Variants in NEIL3 observed in about 807,000 individuals in gnomAD.
NEIL3 encodes the protein nei like DNA glycosylase 3, also known as endonuclease 8-like 3.
Under a neutral mutation model 57.5 loss-of-function variants are expected in NEIL3, and 48 were observed. That is an observed-to-expected ratio of 0.83 (90% CI 0.66 to 1.06). The LOEUF (loss-of-function observed/expected upper bound fraction) is 1.06, where lower values mean the gene tolerates loss of function less well. NEIL3 is among the 50% of genes least tolerant of loss of function. The probability of loss-of-function intolerance (pLI) is 0.00; values close to 1 mark genes in which losing one functional copy is unlikely to be tolerated. For missense variants in NEIL3, 717 were observed against 739.1 expected, an observed-to-expected ratio of 0.97 and a Z score of 0.35; for synonymous variants, 261 against 253.2, an observed-to-expected ratio of 1.03 and a Z score of -0.29.
intron 2 of NEIL3, among the ~76,000 whole-genome samples, chr4:177,330,260 C>G (rs1734856895): frequency 6.6e-6 from 1 of 152,096 alleles, no homozygotes; most frequent in African/African-American, 2.4e-5. Flanking sequence ...ACTCACCTGT[C>G]AAATAAATCA....
chr4:177,352,696 G>T (rs1735382907), intron 7 of NEIL3, among the ~76,000 whole-genome samples: 1 of 152,110 alleles, frequency 6.6e-6, no homozygotes, highest in African/African-American at 2.4e-5. Flanking sequence ...CAGGCGTGCT[G>T]GCGGGTGCCC....
chr4:177,370,456 T>A, the NEIL3 span, among the ~76,000 whole-genome samples: 3,862 of 152,230 alleles, frequency 0.025, 69 homozygotes, highest in South Asian at 0.09. Flanking sequence ...TTCATTGAAA[T>A]CTATTCGAGA....
At chr4:177,342,390 T>C (rs777922997) in intron 6 of NEIL3, among the ~76,000 whole-genome samples, 4 of 152,086 alleles carry the variant, frequency 2.6e-5, no homozygotes, top group Non-Finnish European at 5.9e-5. Context: ...TGCATAGCAG[T>C]ATATGTGATT....
intron 2 of NEIL3, 40 bp from the exon 3 acceptor site, chr4:177,335,648 A>C: frequency 6.3e-7 from 1 of 1,589,930 alleles, no homozygotes; most frequent in East Asian, 2.2e-5. Flanking sequence ...GATAAATGAT[A>C]TACTTTCTGC....
intron 2 of NEIL3, among the ~76,000 whole-genome samples, chr4:177,325,339 A>C (rs1419101400): frequency 2.6e-5 from 4 of 152,090 alleles, no homozygotes; most frequent in Non-Finnish European, 5.9e-5. Flanking sequence ...ACTCTGTATA[A>C]TACTTTAAGA....
chr4:177,339,051 C>T lies in NEIL3; in HGVS notation c.628-732C>T, dbSNP rs34485561. The stretch of plus-strand genomic sequence containing the variant: ...TACTGTTAATGGTACTAAATAGATC[C>T]GTAAGAAATAGAGCTCTAGAAGATA... On this transcript the variant is annotated intron_variant, in intron 4 of 9. Coordinates refer to ENST00000264596, the MANE Select transcript of NEIL3 (RefSeq NM_018248.3). Among the ~76,000 whole-genome samples, 1,116 of 152,038 alleles carry T rather than the reference C, an allele frequency of 7.3e-3. 12 individuals carry two copies. Among genetic ancestry groups the T allele is most frequent in the African/African-American group, 0.025 (1,040 of 41,472 alleles).
At chr4:177,347,221 T>G (rs1410398644) in intron 6 of NEIL3, among the ~76,000 whole-genome samples, 1 of 151,942 alleles carries the variant, frequency 6.6e-6, no homozygotes, top group African/African-American at 2.4e-5. Context: ...GGGAAATATT[T>G]CAAAGAAGGT....
chr4:177,364,400 G>T (rs953373050), downstream of NEIL3, among the ~76,000 whole-genome samples: 1 of 152,130 alleles, frequency 6.6e-6, no homozygotes, highest in South Asian at 2.1e-4. Context: ...TGTCCTGAGG[G>T]CAGAACAAAA....
chr4:177,361,885 C>A (rs1735613917), intron 9 of NEIL3, among the ~76,000 whole-genome samples: 1 of 152,086 alleles, frequency 6.6e-6, no homozygotes, highest in African/African-American at 2.4e-5. Context: ...CTCAGCCTCC[C>A]AAAGTGCCGG....
At chr4:177,339,966 T>G in intron 5 of NEIL3, 109 bp downstream of exon 5, 1 of 698,064 alleles carries the variant, frequency 1.4e-6, no homozygotes. Flanking sequence ...GGAAAGAGCA[T>G]GGAGGTACAT....
chr4:177,356,349 G>T (rs555889271), intron 8 of NEIL3, among the ~76,000 whole-genome samples: 1 of 152,284 alleles, frequency 6.6e-6, no homozygotes, highest in South Asian at 2.1e-4. Flanking sequence ...ACTTAGGAAT[G>T]CTGCAGCCTG....
At chr4:177,358,744 T>G (rs1735541870) in intron 8 of NEIL3, among the ~76,000 whole-genome samples, 1 of 152,154 alleles carries the variant, frequency 6.6e-6, no homozygotes, top group Admixed American at 6.5e-5. Context: ...CCAGAAAAAT[T>G]TTAATACAGA....
chr4:177,335,459 T>C (rs936804424), intron 2 of NEIL3, among the ~76,000 whole-genome samples: 14 of 152,176 alleles, frequency 9.2e-5, no homozygotes, highest in Admixed American at 3.3e-4. Context: ...GAGAAGTTAT[T>C]TTACTTTTGA....
At chr4:177,321,820 A>T (rs1283894443) in intron 1 of NEIL3, among the ~76,000 whole-genome samples, 1 of 152,014 alleles carries the variant, frequency 6.6e-6, no homozygotes, top group Non-Finnish European at 1.5e-5. Context: ...CACCCTCACA[A>T]GATGTGAAAA....
At chr4:177,353,160 G>C (rs1735394564) in intron 7 of NEIL3, 148 bp from the exon 8 acceptor site, 1 of 640,442 alleles carries the variant, frequency 1.6e-6, no homozygotes, top group African/African-American at 1.9e-5. Flanking sequence ...ATTCTGACTT[G>C]TCTGAGCTAA....
At chr4:177,345,058 T>C (rs1158772193) in intron 6 of NEIL3, among the ~76,000 whole-genome samples, 1 of 152,130 alleles carries the variant, frequency 6.6e-6, no homozygotes, top group African/African-American at 2.4e-5. Context: ...ACACAGCCTC[T>C]CAAAGTGCTC....
downstream of NEIL3, among the ~76,000 whole-genome samples, chr4:177,366,468 G>A (rs918655827): frequency 6.6e-6 from 1 of 152,052 alleles, no homozygotes; most frequent in Non-Finnish European, 1.5e-5. Context: ...GCACAATCTC[G>A]GCTCACTGCA....
chr4:177,315,505 A>G (rs374671204), intron 1 of NEIL3, among the ~76,000 whole-genome samples: 6 of 152,244 alleles, frequency 3.9e-5, no homozygotes, highest in Non-Finnish European at 8.8e-5. Context: ...TCAAGTGTAT[A>G]TTGGACAATT....
In NEIL3 at chr4:177,336,136, A is replaced by C; in HGVS notation, c.442A>C (p.Arg148=). Residue 148 remains arginine (R), a synonymous_variant, in exon 4 of 10, where the codon AGA becomes CGA. Transcript: ENST00000264596. ...RNSMESQQRI[R]MMKELDVCSP... is the part of the protein sequence containing the mutation. ...CTCAATGGAAAGCCAACAGAGAATAAGAATGATGAAAGAATTAGATGTATG... is the reference window on the plus strand; with the variant it reads ...CTCAATGGAAAGCCAACAGAGAATACGAATGATGAAAGAATTAGATGTATG... 1 of 1,613,066 alleles carries C rather than the reference A, an allele frequency of 6.2e-7. No homozygotes were observed. Among genetic ancestry groups the C allele is most frequent in the Non-Finnish European group, 8.5e-7 (1 of 1,178,984 alleles).
Sources: allele counts gnomAD v4.1 joint callset (sites outside exome capture counted in the v4.1 genomes callset), GRCh38; gene constraint gnomAD v4.1.1; transcripts MANE v1.5; gene names NCBI Gene and HGNC (gene_info 2026-07-23, HGNC 2026-07-21).